OLFML2B: variants seen among roughly 807,000 people sequenced by gnomAD.
The protein encoded by OLFML2B is olfactomedin-like protein 2B.
In OLFML2B, 57 loss-of-function variants were observed where a neutral mutation model predicts 74.9. The observed-to-expected ratio is 0.76, with a 90% CI of 0.61 to 0.95. The LOEUF is 0.95. Ranked by LOEUF, OLFML2B falls within the 40% of genes least tolerant of loss-of-function variation. The probability of loss-of-function intolerance (pLI) is 0.00; values close to 1 mark genes in which losing one functional copy is unlikely to be tolerated. For synonymous variants in OLFML2B, 388 were observed against 405.8 expected (o/e 0.96, Z 0.53); for missense variants, 986 against 970.6 (o/e 1.02, Z -0.21).
rs746506579 is a variant in OLFML2B at position 161,997,996 on chromosome 1, G to A, written c.1303C>T (p.Pro435Ser). Reference protein sequence around the residue: ...ATQQPAAPAPPAVSPREALME... With the variant: ...ATQQPAAPAPSAVSPREALME... ...AATGCCTCCCTGGGAGACACTGCCGGAGGAGCTGGGGCTGCTGGTTGCTGG... is the reference window on the plus strand; with the variant it reads ...AATGCCTCCCTGGGAGACACTGCCGAAGGAGCTGGGGCTGCTGGTTGCTGG... The change falls in exon 6 of 8, where the codon CCG becomes TCG. Residue 435 changes from proline to serine, a missense_variant. Coordinates refer to ENST00000294794, the MANE Select transcript of OLFML2B (RefSeq NM_015441.3). The A allele has an allele frequency of 1.2e-6, 2 of 1,614,212 alleles. No individual in the cohort carries two copies. Among genetic ancestry groups the A allele is most frequent in the Non-Finnish European group, 1.7e-6 (2 of 1,180,034 alleles).
intron 6 of OLFML2B, among the ~76,000 whole-genome samples, chr1:161,991,249 T>C (rs1689733231): frequency 6.6e-6 from 1 of 152,230 alleles, no homozygotes; most frequent in Non-Finnish European, 1.5e-5. Context: ...GAGGAATCAT[T>C]ATCTATGGCA....
At chr1:162,010,614 C>G (rs762844185) in intron 3 of OLFML2B, among the ~76,000 whole-genome samples, 1 of 152,056 alleles carries the variant, frequency 6.6e-6, no homozygotes, top group African/African-American at 2.4e-5. Context: ...GACACGTGTG[C>G]GTGTGCCCGG....
At chr1:161,992,542 C>T (rs1308049158) in intron 6 of OLFML2B, among the ~76,000 whole-genome samples, 1 of 152,236 alleles carries the variant, frequency 6.6e-6, no homozygotes, top group East Asian at 1.9e-4. Flanking sequence ...CCTCGCTCAG[C>T]TCTGACATTT....
chr1:162,006,510 C>T, intron 3 of OLFML2B, 37 bp from the exon 4 acceptor site: 2 of 1,504,910 alleles, frequency 1.3e-6, no homozygotes, highest in Non-Finnish European at 1.8e-6. Context: ...CATTAAAGCA[C>T]CCTGAAGACA....
intron 6 of OLFML2B, among the ~76,000 whole-genome samples, chr1:161,997,339 C>T (rs1265439262): frequency 2.0e-5 from 3 of 152,128 alleles, no homozygotes; most frequent in Admixed American, 2.0e-4. Flanking sequence ...TGTTTCTATG[C>T]TCTCCATGGG....
intron 4 of OLFML2B, 93 bp downstream of exon 4, chr1:162,006,204 G>C (rs1690224617): frequency 1.6e-6 from 2 of 1,231,108 alleles, no homozygotes; most frequent in African/African-American, 3.1e-5. Flanking sequence ...TCTGTGAAAG[G>C]ACTGAAGCCT....
rs1469563501 is a variant in OLFML2B, at chr1:162,000,248, C to T, written c.814G>A (p.Val272Met). The T allele has an allele frequency of 2.5e-6, 4 of 1,613,850 alleles. No homozygotes were observed. The South Asian group carries it at 3.3e-5, about 13-fold the overall frequency. Residue 272 changes from valine to methionine, a missense_variant, in exon 5 of 8, where the codon GTG becomes ATG. Val to Met is a conservative substitution (Grantham distance 21). Coordinates refer to ENST00000294794, the MANE Select transcript of OLFML2B (RefSeq NM_015441.3). ...LQTRPLALPE[V>M]VKSQRPLQRQ... Reference sequence around the variant, plus strand: ...TGCAGGGGCCGCTGTGACTTCACCACCTCAGGCAGAGCCAGGGGTCGCGTC... The same window carrying T: ...TGCAGGGGCCGCTGTGACTTCACCATCTCAGGCAGAGCCAGGGGTCGCGTC...
intron 6 of OLFML2B, among the ~76,000 whole-genome samples, chr1:161,988,214 A>G (rs1049199425): frequency 1.3e-5 from 2 of 152,222 alleles, no homozygotes; most frequent in African/African-American, 4.8e-5. Context: ...TTTAACCAAC[A>G]GTCCTGGGAG....
At position 162,023,563 on chromosome 1, in the gene OLFML2B, G is replaced by T; in HGVS notation, c.-133C>A. The T allele has an allele frequency of 2.2e-6, 2 of 897,356 alleles. No individual in the cohort carries two copies. The highest frequency in any genetic ancestry group is 3.1e-6 in the Non-Finnish European group (2 of 642,590). The allele number at this position is 897,356 out of a possible 1,614,324, so 55.6% of individuals were successfully genotyped here. Reference sequence around the variant, plus strand: ...TGCTGAGAGCACCTTCTAAAGCTGGGTGCGGCTGAGCGGGACGGGAGGGTG... The same window carrying T: ...TGCTGAGAGCACCTTCTAAAGCTGGTTGCGGCTGAGCGGGACGGGAGGGTG... On this transcript the variant is annotated 5_prime_UTR_variant, in exon 1 of 8. Transcript: ENST00000294794.
Position 161,984,353 on chromosome 1 carries a change from T to G in OLFML2B, c.1652-77A>C, listed in dbSNP as rs1007960981. 2.0e-5 allele frequency: 30 copies of G among 1,496,690 alleles called. No individual in the cohort carries two copies. In the African/African-American group the frequency reaches 3.5e-4, roughly 17 times the overall value. 92.7% of individuals were successfully genotyped at this position (1,496,690 alleles called of 1,614,324 possible). On this transcript the variant is annotated intron_variant, in intron 7 of 7. Coordinates refer to ENST00000294794, the MANE Select transcript of OLFML2B (RefSeq NM_015441.3). ...GCAGCCCATGTGGTTAAGTGAGTGATGATCAACGAGGGGTCTGGAAACCCA... is the reference window on the plus strand; with the variant it reads ...GCAGCCCATGTGGTTAAGTGAGTGAGGATCAACGAGGGGTCTGGAAACCCA...
chr1:162,020,436 T>A (rs1690671493), intron 1 of OLFML2B, among the ~76,000 whole-genome samples: 1 of 152,232 alleles, frequency 6.6e-6, no homozygotes, highest in Non-Finnish European at 1.5e-5. Context: ...CCTTTCATTA[T>A]TTAAAGGAAA....
At chr1:162,017,184 A>C (rs1053137507) in intron 3 of OLFML2B, among the ~76,000 whole-genome samples, 1 of 152,218 alleles carries the variant, frequency 6.6e-6, no homozygotes, top group African/African-American at 2.4e-5. Flanking sequence ...TGAAAAAAAG[A>C]AGGTACAGTA....
chr1:162,006,175 T>C (rs1250180306), intron 4 of OLFML2B, 122 bp downstream of exon 4: 10 of 872,528 alleles, frequency 1.1e-5, no homozygotes, highest in Non-Finnish European at 1.7e-5. Context: ...AACAATTGTA[T>C]GGATGAAGCG....
intron 3 of OLFML2B, among the ~76,000 whole-genome samples, chr1:162,013,929 CACACACACA>C (rs1690462859): frequency 7.1e-6 from 1 of 141,158 alleles, no homozygotes; most frequent in African/African-American, 2.7e-5. Context: ...CACACACACA[CACACACACA>C]CTTCTGTAGG....
intron 4 of OLFML2B, among the ~76,000 whole-genome samples, chr1:162,002,748 C>G (rs1399114245): frequency 1.3e-5 from 2 of 152,182 alleles, no homozygotes; most frequent in Admixed American, 1.3e-4. Context: ...CCCTGTCTGC[C>G]CAGGGGAAAC....
intron 6 of OLFML2B, among the ~76,000 whole-genome samples, chr1:161,993,035 T>C (rs1689786191): frequency 6.6e-6 from 1 of 152,160 alleles, no homozygotes; most frequent in Non-Finnish European, 1.5e-5. Flanking sequence ...TGTATGTCTT[T>C]ACTTACAATA....
In OLFML2B at chr1:162,023,684, G is replaced by A. The variant is rs977356410; in HGVS notation, c.-254C>T. On this transcript the variant is annotated 5_prime_UTR_variant, in exon 1 of 8. Coordinates refer to ENST00000294794, the MANE Select transcript of OLFML2B (RefSeq NM_015441.3). ...CGGACGCAAGGAAGAGGGGATGACG[G>A]AGAAGGTGGAGGCGGGCACGGGCTA... The A allele has an allele frequency of 1.7e-5, 5 of 302,696 alleles. No individual in the cohort carries two copies. The highest frequency in any genetic ancestry group is 8.6e-5 in the African/African-American group (4 of 46,432). 18.8% of individuals were successfully genotyped at this position (302,696 alleles called of 1,614,324 possible). A position where few individuals can be genotyped will look rare whatever the true frequency, so the allele number is the denominator to read the frequency against.
At chr1:162,012,627 A>G (rs553896987) in intron 3 of OLFML2B, among the ~76,000 whole-genome samples, 2 of 152,332 alleles carry the variant, frequency 1.3e-5, no homozygotes, top group East Asian at 3.9e-4. Flanking sequence ...AGATTCGTGA[A>G]AAAGGAAAGA....
rs184225936 is a variant in OLFML2B at position 162,001,763 on chromosome 1, C to A, written c.724-1425G>T. ...CTATGGGAATCTGAAAGAAGAGAGA[C>A]CATTTCTTGTTCATCTTTGATTCCC... is the stretch of plus-strand genomic sequence containing the variant. On this transcript the variant is annotated intron_variant, in intron 4 of 7. Transcript: ENST00000294794. Among the ~76,000 whole-genome samples the A allele has an allele frequency of 6.2e-4, 95 of 152,266 alleles. 1 individual carries two copies. The highest frequency in any genetic ancestry group is 2.3e-3 in the African/African-American group (94 of 41,546).
Sources: gnomAD v4.1 joint callset for allele counts (sites outside exome capture counted in the v4.1 genomes callset) on GRCh38, gnomAD v4.1.1 for gene constraint, MANE v1.5 for transcripts, NCBI Gene and HGNC (gene_info 2026-07-23, HGNC 2026-07-21) for gene names.